Variants in WNT3A observed in about 807,000 individuals in gnomAD.
The protein encoded by WNT3A is Wnt family member 3A, also known as protein Wnt-3a.
WNT3A carries 17 observed loss-of-function variants against 37.0 expected under a neutral mutation model. The observed-to-expected ratio is 0.46, with a 90% CI of 0.31 to 0.69. The LOEUF (loss-of-function observed/expected upper bound fraction) is 0.69. Ranked by LOEUF, WNT3A falls within the 30% of genes least tolerant of loss-of-function variation. WNT3A has a pLI of 0.05. For missense variants in WNT3A, 411 were observed against 510.2 expected, an observed-to-expected ratio of 0.81 and a Z score of 1.87; for synonymous variants, 187 against 211.0, an observed-to-expected ratio of 0.89 and a Z score of 0.99.
chr1:228,024,522 T>C (rs2030806799), intron 2 of WNT3A, among the ~76,000 whole-genome samples: 1 of 152,208 alleles, frequency 6.6e-6, no homozygotes, highest in Non-Finnish European at 1.5e-5. Flanking sequence ...CTTTGTCTTT[T>C]TGTTGTTGAG....
rs1343957348 is a variant in WNT3A at position 228,050,731 on chromosome 1, A to T, written c.389A>T (p.Glu130Val). ...TTTGCAGTGACACGCTCATGTGCAG[A>T]AGGCACGGCCGCCATCTGTGGCTGC... The part of the protein sequence containing the change: ...VAFAVTRSCA[E>V]GTAAICGCSS... The change falls in exon 3 of 4, where the codon GAA (glutamate) becomes GTA (valine). Residue 130 changes from glutamate to valine, a missense_variant. Coordinates refer to ENST00000284523, the MANE Select transcript of WNT3A (RefSeq NM_033131.4). The surrounding 1 kb of genome is among the most constrained non-coding windows in gnomAD (Gnocchi z 5.0). The T allele has an allele frequency of 6.2e-7, 1 of 1,614,086 alleles. No individual in the cohort carries two copies. The highest frequency in any genetic ancestry group is 2.2e-5 in the East Asian group (1 of 44,862).
Position 228,007,708 on chromosome 1 carries a change from A to AC in WNT3A, c.71+512dup, listed in dbSNP as rs2030241111. Among the ~76,000 whole-genome samples, 1 of 151,996 alleles carries AC rather than the reference A, an allele frequency of 6.6e-6. No individual in the cohort carries two copies. Among genetic ancestry groups the AC allele is most frequent in the Non-Finnish European group, 1.5e-5 (1 of 67,996 alleles). The stretch of plus-strand genomic sequence containing the variant: ...GCGTGGTTACGTAAAGAAAGCTGGG[A>AC]CCCGGCGGGGAGTGGCGCAGAGCCG... On this transcript the variant is annotated intron_variant, in intron 1 of 3. Transcript: ENST00000284523. The surrounding 1 kb of genome is among the most constrained non-coding windows in gnomAD (Gnocchi z 6.0).
At chr1:228,051,042 T>G in intron 3 of WNT3A, 121 bp downstream of exon 3, 1 of 1,273,020 alleles carries the variant, frequency 7.9e-7, no homozygotes, top group Non-Finnish European at 1.0e-6. Context: ...GAGGGTCTTC[T>G]CGACCCCTGC....
intron 2 of WNT3A, among the ~76,000 whole-genome samples, chr1:228,044,702 C>G (rs2031361319): frequency 6.6e-6 from 1 of 152,240 alleles, no homozygotes. Context: ...CCAGGCTTCT[C>G]CTGTGCACAG....
intron 2 of WNT3A, among the ~76,000 whole-genome samples, chr1:228,023,682 T>C (rs1322456912): frequency 6.6e-6 from 1 of 152,158 alleles, no homozygotes. Flanking sequence ...GAAATTCACA[T>C]AACCGAAAAT....
At chr1:228,029,353 T>C (rs1571801269) in intron 2 of WNT3A, among the ~76,000 whole-genome samples, 1 of 152,166 alleles carries the variant, frequency 6.6e-6, no homozygotes, top group Non-Finnish European at 1.5e-5. Flanking sequence ...GGGCGGAATG[T>C]GCATAGTACC....
chr1:228,012,364 G>A (rs2030398429), intron 1 of WNT3A, among the ~76,000 whole-genome samples: 1 of 152,232 alleles, frequency 6.6e-6, no homozygotes, highest in Non-Finnish European at 1.5e-5. Flanking sequence ...GAACAGAAAT[G>A]GGAATTTAAA....
intron 3 of WNT3A, among the ~76,000 whole-genome samples, chr1:228,055,753 C>T (rs1225506880): frequency 6.6e-6 from 1 of 152,096 alleles, no homozygotes; most frequent in East Asian, 1.9e-4. Context: ...GGGCTGAAAA[C>T]AGGAAGATTG....
intron 2 of WNT3A, among the ~76,000 whole-genome samples, chr1:228,040,213 C>T (rs1017206366): frequency 6.6e-6 from 1 of 152,198 alleles, no homozygotes; most frequent in African/African-American, 2.4e-5. Flanking sequence ...TGTCTGGGCT[C>T]TGCACTCACT....
chr1:228,060,149 G>T lies in WNT3A; in HGVS notation c.*684G>T. On this transcript the variant is annotated 3_prime_UTR_variant, in exon 4 of 4. Transcript: ENST00000284523. Reference sequence around the variant, plus strand: ...CAATGGGGCGGGGCTTCTCTCCGCGGGTGGGACTCTTCCCTGGGAACCGCC... The same window carrying T: ...CAATGGGGCGGGGCTTCTCTCCGCGTGTGGGACTCTTCCCTGGGAACCGCC... The T allele has an allele frequency of 7.4e-7, 1 of 1,347,630 alleles. No homozygotes were observed. 83.5% of individuals were successfully genotyped at this position (1,347,630 alleles called of 1,614,324 possible).
At chr1:228,030,821 C>A (rs1324732230) in intron 2 of WNT3A, among the ~76,000 whole-genome samples, 1 of 152,254 alleles carries the variant, frequency 6.6e-6, no homozygotes, top group African/African-American at 2.4e-5. Context: ...TGCTCCTATC[C>A]CCCAACCCTG....
chr1:228,030,914 C>T (rs1431281849), intron 2 of WNT3A, among the ~76,000 whole-genome samples: 4 of 152,218 alleles, frequency 2.6e-5, no homozygotes, highest in East Asian at 3.9e-4. Context: ...CAGCCAAATG[C>T]GAAGGAAGAC....
chr1:228,028,602 G>C (rs1348929688), intron 2 of WNT3A, among the ~76,000 whole-genome samples: 1 of 152,122 alleles, frequency 6.6e-6, no homozygotes, highest in Admixed American at 6.6e-5. Flanking sequence ...GGGATTACAG[G>C]CTTAAGCAAC....
intron 2 of WNT3A, 63 bp downstream of exon 2, chr1:228,022,971 G>A (rs1035370948): frequency 2.1e-5 from 32 of 1,544,792 alleles, no homozygotes; most frequent in African/African-American, 2.7e-5. Context: ...CCCGCCTAGC[G>A]CTGCCTGACA....
chr1:228,043,190 T>C lies in WNT3A; in HGVS notation c.314-7466T>C, dbSNP rs577159710. Among the ~76,000 whole-genome samples, 8 of 152,328 alleles carry C rather than the reference T, an allele frequency of 5.3e-5. No homozygotes were observed. The South Asian group carries it at 6.2e-4, about 12-fold the overall frequency. ...CACAACAAGTTTCTGGGAAAGATGGTTTTCCCAGGTGGAAGATACTTCCCT... is the reference window on the plus strand; with the variant it reads ...CACAACAAGTTTCTGGGAAAGATGGCTTTCCCAGGTGGAAGATACTTCCCT... On this transcript the variant is annotated intron_variant, in intron 2 of 3. Coordinates refer to ENST00000284523, the MANE Select transcript of WNT3A (RefSeq NM_033131.4).
chr1:228,035,611 T>C (rs1028483602), intron 2 of WNT3A, among the ~76,000 whole-genome samples: 2 of 152,220 alleles, frequency 1.3e-5, no homozygotes, highest in African/African-American at 4.8e-5. Context: ...GAGCGGTCAC[T>C]GAGAATTTCT....
Position 228,007,246 on chromosome 1 carries a change from C to A in WNT3A, c.71+47C>A. On this transcript the variant is annotated intron_variant, in intron 1 of 3. Coordinates refer to ENST00000284523, the MANE Select transcript of WNT3A (RefSeq NM_033131.4). The surrounding 1 kb of genome is among the most constrained non-coding windows in gnomAD (Gnocchi z 6.0). ...CGCCCCTGCCCCTGTGCGCCGCGCC[C>A]GCAGCAGACGGTCCCCTCGGGCAGG... The A allele has an allele frequency of 1.9e-6, 3 of 1,560,248 alleles. No homozygotes were observed. Among genetic ancestry groups the A allele is most frequent in the South Asian group, 1.2e-5 (1 of 85,390 alleles).
intron 2 of WNT3A, among the ~76,000 whole-genome samples, chr1:228,028,425 C>T (rs2030907911): frequency 6.6e-6 from 1 of 151,834 alleles, no homozygotes; most frequent in Non-Finnish European, 1.5e-5. Context: ...CCTCAGCCTC[C>T]CAAGTAACTG....
intron 3 of WNT3A, among the ~76,000 whole-genome samples, chr1:228,057,653 A>C (rs985957511): frequency 6.6e-6 from 1 of 152,224 alleles, no homozygotes; most frequent in South Asian, 2.1e-4. Flanking sequence ...AGGAGGAGGC[A>C]GGATTGGGAC....
Sources: allele counts gnomAD v4.1 joint callset (sites outside exome capture counted in the v4.1 genomes callset), GRCh38; gene constraint gnomAD v4.1.1; non-coding constraint Gnocchi (gnomAD v3.1); transcripts MANE v1.5; gene names NCBI Gene and HGNC (gene_info 2026-07-23, HGNC 2026-07-21).